Variants in LARGE1 observed in about 807,000 individuals in gnomAD.
LARGE1 encodes LARGE xylosyl- and glucuronyltransferase 1, also known as xylosyl- and glucuronyltransferase LARGE1.
Under a neutral mutation model 87.6 loss-of-function variants are expected in LARGE1, and 43 were observed. The observed-to-expected ratio is 0.49, with a 90% CI of 0.38 to 0.63. The LOEUF is 0.63. LARGE1 is among the 30% of genes least tolerant of loss of function. LARGE1 has a pLI of 0.00. For synonymous variants in LARGE1, 434 were observed against 394.6 expected (o/e 1.10, Z -1.18); for missense variants, 802 against 1,000.2 (o/e 0.80, Z 2.67).
At chr22:33,094,786 T>C in the LARGE1 span, among the ~76,000 whole-genome samples, 1 of 152,234 alleles carries the variant, frequency 6.6e-6, no homozygotes, top group South Asian at 2.1e-4. Context: ...TGGCGCGATG[T>C]TGGCTCACTG....
At chr22:33,448,603 A>G (rs2067784601) in intron 6 of LARGE1, among the ~76,000 whole-genome samples, 1 of 152,012 alleles carries the variant, frequency 6.6e-6, no homozygotes. Flanking sequence ...AGCATCTCAG[A>G]CTTTAAGGTG....
At chr22:33,174,794 A>T (rs1267905589) in intron 11 of LARGE1, among the ~76,000 whole-genome samples, 2 of 152,222 alleles carry the variant, frequency 1.3e-5, no homozygotes, top group Middle Eastern at 6.3e-3. Flanking sequence ...TAAACCAGGA[A>T]GAAGTTGAAT....
chr22:33,782,174 C>A (rs1037122467), intron 1 of LARGE1, among the ~76,000 whole-genome samples: 18 of 152,160 alleles, frequency 1.2e-4, no homozygotes, highest in African/African-American at 3.9e-4. Flanking sequence ...TCCTCCTCCT[C>A]CTCAAATCAA....
intron 6 of LARGE1, among the ~76,000 whole-genome samples, chr22:33,485,361 G>A (rs1037116573): frequency 4.6e-5 from 7 of 151,560 alleles, no homozygotes; most frequent in Admixed American, 1.3e-4. Context: ...TTACAGGCAC[G>A]GGCCACCACA....
At chr22:33,229,039 A>G (rs1925873441) in intron 11 of LARGE1, among the ~76,000 whole-genome samples, 1 of 152,244 alleles carries the variant, frequency 6.6e-6, no homozygotes, top group Non-Finnish European at 1.5e-5. Flanking sequence ...AAGTTACCAT[A>G]AGAAATGGAA....
At chr22:33,603,464 A>G (rs1226797701) in intron 5 of LARGE1, among the ~76,000 whole-genome samples, 1 of 152,200 alleles carries the variant, frequency 6.6e-6, no homozygotes, top group African/African-American at 2.4e-5. Context: ...CTCCTACCCC[A>G]TTAAGAAAGG....
chr22:33,213,745 C>CTGCA (rs1925069625), intron 11 of LARGE1, among the ~76,000 whole-genome samples: 2 of 152,228 alleles, frequency 1.3e-5, no homozygotes, highest in African/African-American at 4.8e-5. Context: ...ACTAAACAGA[C>CTGCA]TGCAGTATAC....
intron 10 of LARGE1, among the ~76,000 whole-genome samples, chr22:33,328,391 C>T (rs1370306661): frequency 6.6e-6 from 1 of 152,014 alleles, no homozygotes; most frequent in Non-Finnish European, 1.5e-5. Context: ...ACCAGCCTGA[C>T]CAAGATGGTG....
intron 4 of LARGE1, among the ~76,000 whole-genome samples, chr22:33,610,049 C>G (rs2079383067): frequency 6.6e-6 from 1 of 152,120 alleles, no homozygotes; most frequent in South Asian, 2.1e-4. Context: ...CATGCTTGTA[C>G]AGCCTGCAGA....
At position 33,854,349 on chromosome 22, in the gene LARGE1, GA is replaced by G. The variant is rs956454858; in HGVS notation, c.-83+65645del. On this transcript the variant is annotated intron_variant, in intron 1 of 14. Transcript: ENST00000397394. ...TTAATTACTTCAGCAGTTGATGGCA[GA>G]AAAAAAAAATCTTGGTCTGGGAGCA... is the stretch of plus-strand genomic sequence containing the variant. Among the ~76,000 whole-genome samples, 492 of 149,544 alleles carry G rather than the reference GA, an allele frequency of 3.3e-3. 1 individual carries two copies. Among genetic ancestry groups the G allele is most frequent in the African/African-American group, 0.011 (449 of 40,724 alleles).
intron 2 of LARGE1, among the ~76,000 whole-genome samples, chr22:33,691,729 C>A (rs1287792858): frequency 6.6e-6 from 1 of 152,222 alleles, no homozygotes; most frequent in African/African-American, 2.4e-5. Flanking sequence ...CAATTAGCCT[C>A]TTCCTACCGT....
chr22:33,915,098 T>G (rs1266990139), intron 1 of LARGE1, among the ~76,000 whole-genome samples: 1 of 151,966 alleles, frequency 6.6e-6, no homozygotes, highest in East Asian at 1.9e-4. Context: ...TCCTTCTGGC[T>G]GCTGTTTCTA....
Position 33,636,702 on chromosome 22 carries a change from A to AT in LARGE1, c.409-10377dup, listed in dbSNP as rs1047259764. ...TCCACCATGCCCAGCTAAGTTTTGTATTTTTTTTTTGGAGAGATGGGGTCT... is the reference window on the plus strand; with the variant it reads ...TCCACCATGCCCAGCTAAGTTTTGTATTTTTTTTTTTGGAGAGATGGGGTCT... On this transcript the variant is annotated intron_variant, in intron 3 of 14. Transcript: ENST00000397394. Among the ~76,000 whole-genome samples the AT allele has an allele frequency of 2.0e-3, 304 of 148,398 alleles. 1 individual carries two copies. The highest frequency in any genetic ancestry group is 6.8e-3 in the African/African-American group (273 of 40,408).
At chr22:33,370,798 A>T (rs973328798) in intron 9 of LARGE1, among the ~76,000 whole-genome samples, 1 of 149,834 alleles carries the variant, frequency 6.7e-6, no homozygotes, top group African/African-American at 2.4e-5. Context: ...ATATTATCAA[A>T]TCATTAAATA....
rs1010111688 is a variant in LARGE1 at position 33,744,316 on chromosome 22, G to C, written c.106+17055C>G. 2.0e-5 allele frequency: 3 copies of C among 152,294 alleles called. No individual in the cohort carries two copies. In the East Asian group the frequency reaches 5.8e-4, roughly 29 times the overall value. The allele number at this position is 152,294 out of a possible 1,614,324, so 9.4% of individuals were successfully genotyped here. A position where few individuals can be genotyped will look rare whatever the true frequency, so the allele number is the denominator to read the frequency against. ...ATGAGAAGGCAAGAGACAAGCCCAC[G>C]GTCACCCAGCTGGTAAGTGGAACAG... On this transcript the variant is annotated intron_variant, in intron 2 of 14. Coordinates refer to ENST00000397394, the MANE Select transcript of LARGE1 (RefSeq NM_133642.5).
intron 6 of LARGE1, among the ~76,000 whole-genome samples, chr22:33,493,310 G>A (rs1278958640): frequency 9.9e-5 from 15 of 151,892 alleles, no homozygotes; most frequent in South Asian, 2.1e-4. Context: ...ACAGGCGCGC[G>A]CCACTATGTC....
At chr22:33,642,710 C>CAAAAAAAAA (rs60815644) in intron 3 of LARGE1, among the ~76,000 whole-genome samples, 8 of 17,350 alleles carry the variant, frequency 4.6e-4, no homozygotes, top group African/African-American at 5.2e-4. Context: ...AAATGGAAAG[C>CAAAAAAAAA]AAAAAAAAAA....
chr22:33,588,846 C>A (rs897468232), intron 5 of LARGE1, among the ~76,000 whole-genome samples: 2 of 152,204 alleles, frequency 1.3e-5, no homozygotes, highest in African/African-American at 4.8e-5. Flanking sequence ...AGAAAACACA[C>A]TGATTTTTAT....
At chr22:33,579,781 G>A (rs779719681) in intron 5 of LARGE1, among the ~76,000 whole-genome samples, 1 of 152,200 alleles carries the variant, frequency 6.6e-6, no homozygotes, top group Non-Finnish European at 1.5e-5. Context: ...ACAGTACCAA[G>A]TGATTCTTAG....
Sources: gnomAD v4.1 joint callset for allele counts (sites outside exome capture counted in the v4.1 genomes callset) on GRCh38, gnomAD v4.1.1 for gene constraint, MANE v1.5 for transcripts, NCBI Gene and HGNC (gene_info 2026-07-23, HGNC 2026-07-21) for gene names.